The following SLC13A5 variants were observed in gnomAD, a reference collection of about 807,000 sequenced individuals.
SLC13A5 encodes the protein Na(+)/citrate cotransporter.
In SLC13A5, 25 loss-of-function variants were observed where a neutral mutation model predicts 56.5. The observed-to-expected ratio is 0.44, with a 90% CI of 0.32 to 0.62. The LOEUF (loss-of-function observed/expected upper bound fraction) is 0.62, where lower values mean the gene tolerates loss of function less well. Among genes scored for constraint, SLC13A5 ranks in the 20% least tolerant of loss-of-function variants. The probability of loss-of-function intolerance (pLI) is 0.04; values close to 1 mark genes in which losing one functional copy is unlikely to be tolerated. For missense variants in SLC13A5, 649 were observed against 737.8 expected (o/e 0.88, Z 1.39); for synonymous variants, 307 against 301.5 (o/e 1.02, Z -0.19).
rs1973699766 is a variant in SLC13A5, at chr17:6,701,085, C to A, written c.758G>T (p.Trp253Leu). 1 of 1,614,092 alleles carries A rather than the reference C, an allele frequency of 6.2e-7. No homozygotes were observed. Among genetic ancestry groups the A allele is most frequent in the South Asian group, 1.1e-5 (1 of 91,092 alleles). The change falls in exon 6 of 12, where the codon TGG becomes TTG. Residue 253 changes from tryptophan to leucine, a missense_variant. Transcript: ENST00000433363. This position sits in a 1 kb window ranked among gnomAD's most constrained non-coding sequence, Gnocchi z 4.1. ...CATGTTGGGAAAGGCAAATGCAAACCAGGAAGCAAAGTTCACGAGGTCCTT... is the reference window on the plus strand; with the variant it reads ...CATGTTGGGAAAGGCAAATGCAAACAAGGAAGCAAAGTTCACGAGGTCCTT... The part of the protein sequence containing the change: ...DSKDLVNFAS[W>L]FAFAFPNMLV...
chr17:6,689,724 G>A (rs985284158), intron 10 of SLC13A5: 1 of 151,986 alleles, frequency 6.6e-6, no homozygotes, highest in Non-Finnish European at 1.5e-5. Flanking sequence ...TCACTTGGAG[G>A]AGAAAAAAAC....
rs1190937541 is a variant in SLC13A5, at chr17:6,692,134, T to TGGAC, written c.1275+909_1275+910insGTCC. Reference sequence around the variant, plus strand: ...ATGGATGGATGGATAGATGGATGGATGGATGGATGGATGGATGGATGGATG... The same window carrying TGGAC: ...ATGGATGGATGGATAGATGGATGGATGGACGGATGGATGGATGGATGGATGGATG... On this transcript the variant is annotated intron_variant, in intron 9 of 11. Coordinates refer to ENST00000433363, the MANE Select transcript of SLC13A5 (RefSeq NM_177550.5). This position sits in a 1 kb window ranked among gnomAD's most constrained non-coding sequence, Gnocchi z 5.5. Among the ~76,000 whole-genome samples the TGGAC allele has an allele frequency of 6.6e-6, 1 of 150,864 alleles. No individual in the cohort carries two copies. The highest frequency in any genetic ancestry group is 2.4e-5 in the African/African-American group (1 of 40,948).
chr17:6,707,989 T>C (rs1223152311), intron 1 of SLC13A5, among the ~76,000 whole-genome samples: 1 of 152,216 alleles, frequency 6.6e-6, no homozygotes, highest in Non-Finnish European at 1.5e-5. Context: ...TGTGTGTGTG[T>C]GTGACAGAGT....
At chr17:6,694,264 G>T in intron 7 of SLC13A5, 67 bp from the exon 8 acceptor site, 2 of 933,978 alleles carry the variant, frequency 2.1e-6, no homozygotes, top group Non-Finnish European at 1.7e-6. Context: ...TCACAACTCC[G>T]GCAGTTCTGT....
At chr17:6,704,466 T>G in intron 3 of SLC13A5, 1 of 339,582 alleles carries the variant, frequency 2.9e-6, no homozygotes. Flanking sequence ...CAGCCCCAGC[T>G]TCCCACTTCT....
chr17:6,710,124 C>T (rs1047847544), intron 1 of SLC13A5, among the ~76,000 whole-genome samples: 5 of 152,230 alleles, frequency 3.3e-5, no homozygotes, highest in Non-Finnish European at 7.3e-5. Flanking sequence ...CACTGTCAGC[C>T]ACTGTCTGGC....
chr17:6,709,938 TG>T (rs1383470844), intron 1 of SLC13A5, among the ~76,000 whole-genome samples: 1 of 152,206 alleles, frequency 6.6e-6, no homozygotes, highest in Non-Finnish European at 1.5e-5. Flanking sequence ...CCAGTAAGAC[TG>T]TCTCCAGGTT....
chr17:6,699,379 G>A (rs1318825272), intron 6 of SLC13A5, among the ~76,000 whole-genome samples: 1 of 152,176 alleles, frequency 6.6e-6, no homozygotes. Context: ...CCCCTGCCCC[G>A]TCCATGGGCA....
At chr17:6,710,628 AC>A (rs1003382574) in intron 1 of SLC13A5, among the ~76,000 whole-genome samples, 1 of 151,500 alleles carries the variant, frequency 6.6e-6, no homozygotes, top group Non-Finnish European at 1.5e-5. Flanking sequence ...AACAGGCTTG[AC>A]CCCCCTAGTC....
At chr17:6,691,035 T>C in intron 9 of SLC13A5, 95 bp from the exon 10 acceptor site, 2 of 1,357,796 alleles carry the variant, frequency 1.5e-6, no homozygotes, top group Non-Finnish European at 2.0e-6. Flanking sequence ...CTCCCGACCC[T>C]CTCTCTCTAC....
At chr17:6,699,618 G>A (rs1567619977) in intron 6 of SLC13A5, among the ~76,000 whole-genome samples, 1 of 152,120 alleles carries the variant, frequency 6.6e-6, no homozygotes, top group African/African-American at 2.4e-5. Context: ...TTACAGGCAT[G>A]TGCCACCATG....
At chr17:6,703,793 G>A in intron 4 of SLC13A5, 85 bp downstream of exon 4, 2 of 1,390,914 alleles carry the variant, frequency 1.4e-6, no homozygotes, top group Non-Finnish European at 9.5e-7. Flanking sequence ...AGCAGACAGG[G>A]AGAAGGAGGT....
In SLC13A5 at chr17:6,686,218, T is replaced by A; in HGVS notation, c.1696A>T (p.Ile566Phe). 1 of 1,613,976 alleles carries A rather than the reference T, an allele frequency of 6.2e-7. No homozygotes were observed. Among genetic ancestry groups the A allele is most frequent in the Non-Finnish European group, 8.5e-7 (1 of 1,180,012 alleles). Residue 566 changes from isoleucine to phenylalanine, a missense_variant, in exon 12 of 12, where the codon ATT becomes TTT. Coordinates refer to ENST00000433363, the MANE Select transcript of SLC13A5 (RefSeq NM_177550.5). ...HFPDWANVTH[I>F]ET ...TCTTGTGGCTCTTCCTAAGTCTCAA[T>A]ATGTGTCACATTAGCCCAGTCAGGG...
At chr17:6,699,467 T>C (rs116612873) in intron 6 of SLC13A5, among the ~76,000 whole-genome samples, 4,430 of 151,574 alleles carry the variant, frequency 0.029, 200 homozygotes, top group African/African-American at 0.099. Context: ...TGAATATGTA[T>C]AGCAACTTTT....
chr17:6,699,038 G>A (rs1973633599), intron 6 of SLC13A5, among the ~76,000 whole-genome samples: 2 of 130,548 alleles, frequency 1.5e-5, no homozygotes, highest in African/African-American at 6.2e-5. Context: ...GCAAGACACT[G>A]TCTCAAAAAT....
rs753711538 is a variant in SLC13A5, at chr17:6,692,123, A to AGATGGATGGATG, written c.1275+909_1275+920dup. On this transcript the variant is annotated intron_variant, in intron 9 of 11. Transcript: ENST00000433363. The surrounding 1 kb of genome is among the most constrained non-coding windows in gnomAD (Gnocchi z 5.5). ...AGGAATGTTGGATGGATGGATGGAT[A>AGATGGATGGATG]GATGGATGGATGGATGGATGGATGG... Among the ~76,000 whole-genome samples, 1,312 of 144,048 alleles carry AGATGGATGGATG rather than the reference A, an allele frequency of 9.1e-3. 13 individuals carry two copies. The highest frequency in any genetic ancestry group is 0.022 in the African/African-American group (853 of 37,912). 94.5% of individuals were successfully genotyped at this position (144,048 alleles called of 152,430 possible).
chr17:6,690,288 T>C (rs1567614354), intron 10 of SLC13A5, among the ~76,000 whole-genome samples: 1 of 152,022 alleles, frequency 6.6e-6, no homozygotes, highest in Admixed American at 6.6e-5. Flanking sequence ...TCCTCAGTCA[T>C]GTGCACCATT....
chr17:6,688,556 G>T (rs909876554), intron 10 of SLC13A5: 2 of 152,208 alleles, frequency 1.3e-5, no homozygotes, highest in African/African-American at 4.8e-5. Context: ...ATCACCTGAG[G>T]TCAGGAGTTT....
chr17:6,709,373 G>A (rs1197413194), intron 1 of SLC13A5, among the ~76,000 whole-genome samples: 2 of 151,974 alleles, frequency 1.3e-5, no homozygotes, highest in African/African-American at 2.4e-5. Context: ...AGGTTCAAGC[G>A]ATTCTCCTGC....
Sources: gnomAD v4.1 joint callset for allele counts (sites outside exome capture counted in the v4.1 genomes callset) on GRCh38, gnomAD v4.1.1 for gene constraint, Gnocchi (gnomAD v3.1) non-coding constraint, MANE v1.5 for transcripts, NCBI Gene and HGNC (gene_info 2026-07-23, HGNC 2026-07-21) for gene names.